The following RPS6KA6 variants were observed in gnomAD, a reference collection of about 807,000 sequenced individuals.
RPS6KA6 encodes the protein ribosomal protein S6 kinase alpha-6.
A neutral mutation model predicts 65.4 loss-of-function variants in RPS6KA6; 27 were observed. The observed-to-expected ratio is 0.41, with a 90% CI of 0.30 to 0.57. The LOEUF is 0.57. RPS6KA6 is among the 20% of genes least tolerant of loss of function. RPS6KA6 has a pLI of 0.24. For missense variants in RPS6KA6, 486 were observed against 555.6 expected (o/e 0.87, Z 1.26); for synonymous variants, 190 against 184.2 (o/e 1.03, Z -0.26).
At chrX:84,181,123 A>G (rs773027250) in intron 1 of RPS6KA6, among the ~76,000 whole-genome samples, 1 of 111,710 alleles carries the variant, frequency 9.0e-6, no homozygotes, top group East Asian at 2.8e-4. Context: ...GGGTGTTTAA[A>G]TTGCTATATT....
At chrX:84,175,156 GA>G (rs954211853) in intron 1 of RPS6KA6, among the ~76,000 whole-genome samples, 3 of 110,609 alleles carry the variant, frequency 2.7e-5, no homozygotes, top group South Asian at 3.8e-4. Context: ...TTGTTTTCAA[GA>G]AAAAAAATGT....
intron 8 of RPS6KA6, among the ~76,000 whole-genome samples, 196 bp downstream of exon 8, chrX:84,134,586 T>C (rs1364151808): frequency 9.0e-6 from 1 of 111,442 alleles, no homozygotes; most frequent in Non-Finnish European, 1.9e-5. Context: ...GTGTATCTAA[T>C]GTACAATTTT....
rs768889625 is a variant in RPS6KA6 at position 84,140,325 on chromosome X, T to G, written c.502-5115A>C. On this transcript the variant is annotated intron_variant, in intron 6 of 21. Transcript: ENST00000262752. ...CCAATCTAACGAACTTTAAAAGACC[T>G]ATAATAATCAAACTAGTTTTATATC... 8.1e-4 allele frequency among the ~76,000 whole-genome samples: 90 copies of G among 111,435 alleles called. No homozygotes were observed. In the Middle Eastern group the frequency reaches 0.023, roughly 29 times the overall value.
chrX:84,081,718 C>T (rs146487825), intron 20 of RPS6KA6, among the ~76,000 whole-genome samples: 1,581 of 111,863 alleles, frequency 0.014, 37 homozygotes, highest in African/African-American at 0.049. Flanking sequence ...CAAACCAAAT[C>T]CAGCAGCACA....
chrX:84,111,141 A>C (rs1365539074), intron 12 of RPS6KA6, among the ~76,000 whole-genome samples: 1 of 99,525 alleles, frequency 1.0e-5, no homozygotes, highest in Non-Finnish European at 2.1e-5. Context: ...AAATCAGATA[A>C]AATTAAAGAA....
chrX:84,188,490 T>C (rs1389663239), upstream of RPS6KA6, among the ~76,000 whole-genome samples: 2 of 111,326 alleles, frequency 1.8e-5, no homozygotes, highest in African/African-American at 3.3e-5. Context: ...TCGGTAAACC[T>C]GCCCACTCCA....
intron 6 of RPS6KA6, among the ~76,000 whole-genome samples, chrX:84,138,548 T>C (rs181989812): frequency 2.4e-4 from 27 of 112,201 alleles, no homozygotes; most frequent in Non-Finnish European, 1.9e-4. Flanking sequence ...CAAGACCCTG[T>C]CTCAAAAAAC....
chrX:84,129,285 C>T (rs2034851748), intron 8 of RPS6KA6, among the ~76,000 whole-genome samples: 1 of 111,249 alleles, frequency 9.0e-6, no homozygotes, highest in African/African-American at 3.3e-5. Flanking sequence ...CAAATCAAAA[C>T]TACAATGAGA....
At chrX:84,132,703 C>T (rs1337128887) in intron 8 of RPS6KA6, among the ~76,000 whole-genome samples, 1 of 106,015 alleles carries the variant, frequency 9.4e-6, no homozygotes, top group East Asian at 2.9e-4. Context: ...AATATATTAG[C>T]AAGGATGTAG....
chrX:84,069,997 T>C, intron 20 of RPS6KA6, among the ~76,000 whole-genome samples: 1 of 111,978 alleles, frequency 8.9e-6, no homozygotes, highest in East Asian at 2.8e-4. Flanking sequence ...TGGAAGACAG[T>C]GTGGCAATTC....
chrX:84,174,506 A>G (rs1422608612), intron 1 of RPS6KA6, among the ~76,000 whole-genome samples: 2 of 111,848 alleles, frequency 1.8e-5, no homozygotes, highest in African/African-American at 6.5e-5. Context: ...TTAGTCAGGT[A>G]TTTAAATGCA....
chrX:84,070,945 C>A (rs1280734777), intron 20 of RPS6KA6, among the ~76,000 whole-genome samples: 6 of 111,264 alleles, frequency 5.4e-5, no homozygotes, highest in Non-Finnish European at 1.1e-4. Flanking sequence ...TATAATATGT[C>A]AACAGTTTTC....
At chrX:84,094,655 A>AAAAT (rs921017387) in intron 20 of RPS6KA6, among the ~76,000 whole-genome samples, 13 of 109,393 alleles carry the variant, frequency 1.2e-4, no homozygotes, top group South Asian at 3.8e-4. Context: ...AAAAAAAATA[A>AAAAT]AAATAAATAA....
intron 6 of RPS6KA6, among the ~76,000 whole-genome samples, chrX:84,143,113 A>G (rs2035135785): frequency 9.0e-6 from 1 of 111,205 alleles, no homozygotes; most frequent in South Asian, 3.7e-4. Flanking sequence ...TAAAAAGGGT[A>G]ATACATCAAG....
At chrX:84,130,546 T>C (rs1180751241) in intron 8 of RPS6KA6, among the ~76,000 whole-genome samples, 2 of 111,790 alleles carry the variant, frequency 1.8e-5, no homozygotes, top group Non-Finnish European at 1.9e-5. Flanking sequence ...AGAAAACCTA[T>C]ACATGAAGTT....
At position 84,133,444 on chromosome X, in the gene RPS6KA6, T is replaced by C. The variant is rs180813710; in HGVS notation, c.646+1338A>G. On this transcript the variant is annotated intron_variant, in intron 8 of 21. Transcript: ENST00000262752. ...ACATTTCTTCCTGTTACATGCTTTG[T>C]GTCCCTTGCTTATAAATTAATATTG... Among the ~76,000 whole-genome samples the C allele has an allele frequency of 6.3e-5, 7 of 111,820 alleles. No individual in the cohort carries two copies. The South Asian group carries it at 1.9e-3, about 30-fold the overall frequency.
rs745866696 is a variant in RPS6KA6 at position 84,078,723 on chromosome X, C to T, written c.1972-13612G>A. 2.7e-5 allele frequency among the ~76,000 whole-genome samples: 3 copies of T among 111,419 alleles called. No homozygotes were observed. In the East Asian group the frequency reaches 8.5e-4, roughly 31 times the overall value. On this transcript the variant is annotated intron_variant, in intron 20 of 21. Coordinates refer to ENST00000262752, the MANE Select transcript of RPS6KA6 (RefSeq NM_014496.5). ...ATTTATAAACATTTAAAAAAATATA[C>T]AAACCCGTAGTGGCAGACAGCACAA...
chrX:84,130,129 T>C (rs974727540), intron 8 of RPS6KA6, among the ~76,000 whole-genome samples: 1 of 111,179 alleles, frequency 9.0e-6, no homozygotes, highest in Non-Finnish European at 1.9e-5. Flanking sequence ...TACACGTATG[T>C]ACCCACAAAA....
At chrX:84,148,227 A>G (rs1203347825) in intron 3 of RPS6KA6, 104 bp from the exon 4 acceptor site, 1 of 457,593 alleles carries the variant, frequency 2.2e-6, no homozygotes, top group African/African-American at 2.5e-5. Context: ...CATTTTCTCT[A>G]ATTTTATAAA....
Sources: allele counts gnomAD v4.1 joint callset (sites outside exome capture counted in the v4.1 genomes callset), GRCh38; gene constraint gnomAD v4.1.1; transcripts MANE v1.5; gene names NCBI Gene and HGNC (gene_info 2026-07-23, HGNC 2026-07-21).